The following IQCM variants were observed in gnomAD, a reference collection of about 807,000 sequenced individuals.
The protein encoded by IQCM is IQ domain-containing protein M.
In IQCM, 45 loss-of-function variants were observed where a neutral mutation model predicts 57.6. The ratio of observed to expected loss-of-function variants is 0.78; its 90% CI spans 0.62 to 1.00. The LOEUF (loss-of-function observed/expected upper bound fraction) is 1.00. Among genes scored for constraint, IQCM ranks in the 50% least tolerant of loss-of-function variants. IQCM has a pLI of 0.00. For missense variants in IQCM, 468 were observed against 511.6 expected, an observed-to-expected ratio of 0.91 and a Z score of 0.82; for synonymous variants, 148 against 158.9, an observed-to-expected ratio of 0.93 and a Z score of 0.51.
Position 149,653,951 on chromosome 4 carries a change from CAT to C in IQCM, c.565+28165_565+28166del, listed in dbSNP as rs988205778. Among the ~76,000 whole-genome samples the C allele has an allele frequency of 2.9e-4, 44 of 152,098 alleles. 1 individual carries two copies. Among genetic ancestry groups the C allele is most frequent in the African/African-American group, 9.2e-4 (38 of 41,510 alleles). On this transcript the variant is annotated intron_variant, in intron 7 of 13. Transcript: ENST00000636793. The stretch of plus-strand genomic sequence containing the variant: ...ATAAAATCTAATAAAAGTGGATACA[CAT>C]ATATTAAATCATCTAATATATAACT...
At chr4:149,481,714 T>TTTGTTTGTTTG in intron 12 of IQCM, among the ~76,000 whole-genome samples, 1 of 39,046 alleles carries the variant, frequency 2.6e-5, no homozygotes, top group African/African-American at 7.8e-5. Context: ...TTTTTTTTTT[T>TTTGTTTGTTTG]TTTTTTTTGC....
intron 7 of IQCM, among the ~76,000 whole-genome samples, chr4:149,678,206 A>G (rs1383315106): frequency 2.0e-5 from 3 of 151,916 alleles, no homozygotes; most frequent in Non-Finnish European, 2.9e-5. Flanking sequence ...ATTTGACTCA[A>G]ATAAGACTAC....
intron 5 of IQCM, among the ~76,000 whole-genome samples, chr4:149,714,118 A>G (rs1047507251): frequency 3.9e-5 from 6 of 152,144 alleles, no homozygotes; most frequent in African/African-American, 1.4e-4. Flanking sequence ...GCTAACCCCA[A>G]TGTCAATTTT....
chr4:149,614,621 T>A (rs1255597278), intron 8 of IQCM, among the ~76,000 whole-genome samples: 1 of 152,136 alleles, frequency 6.6e-6, no homozygotes, highest in African/African-American at 2.4e-5. Flanking sequence ...TTCCTCATTC[T>A]AGGGCATGGG....
chr4:149,763,123 G>A (rs1482033494), intron 2 of IQCM, among the ~76,000 whole-genome samples: 2 of 151,796 alleles, frequency 1.3e-5, no homozygotes, highest in Non-Finnish European at 2.9e-5. Context: ...AAATATTATG[G>A]CTTTGTATTT....
intron 12 of IQCM, among the ~76,000 whole-genome samples, chr4:149,504,245 A>G (rs922015773): frequency 2.0e-5 from 3 of 152,214 alleles, no homozygotes; most frequent in Admixed American, 1.3e-4. Flanking sequence ...TAAATTTAAA[A>G]AAACTTAAAA....
At chr4:149,373,827 G>A (rs1189595096) in intron 13 of IQCM, among the ~76,000 whole-genome samples, 1 of 151,884 alleles carries the variant, frequency 6.6e-6, no homozygotes, top group Non-Finnish European at 1.5e-5. Flanking sequence ...ATATTTCTCA[G>A]AGGCCCATGG....
intron 12 of IQCM, among the ~76,000 whole-genome samples, chr4:149,502,878 T>C (rs1263525122): frequency 2.0e-5 from 3 of 151,646 alleles, no homozygotes; most frequent in African/African-American, 7.3e-5. Flanking sequence ...AAAATCAGTA[T>C]CCAATTGCCA....
intron 12 of IQCM, among the ~76,000 whole-genome samples, chr4:149,445,316 TA>T (rs2111361093): frequency 6.6e-6 from 1 of 152,010 alleles, no homozygotes; most frequent in South Asian, 2.1e-4. Flanking sequence ...AAGTTAGTTG[TA>T]ACCACATTTA....
intron 7 of IQCM, among the ~76,000 whole-genome samples, chr4:149,669,660 G>A (rs896780927): frequency 6.6e-6 from 1 of 152,158 alleles, no homozygotes; most frequent in African/African-American, 2.4e-5. Context: ...TGTATAAGGT[G>A]TAAGGAAGGG....
chr4:149,812,154 G>A (rs1159423239), intron 2 of IQCM, among the ~76,000 whole-genome samples: 1 of 152,176 alleles, frequency 6.6e-6, no homozygotes, highest in Non-Finnish European at 1.5e-5. Context: ...AGAAGTCAAA[G>A]TATGGTTTAT....
chr4:149,499,679 A>G (rs567435598), intron 12 of IQCM, among the ~76,000 whole-genome samples: 159 of 152,286 alleles, frequency 1.0e-3, no homozygotes, highest in Middle Eastern at 3.4e-3. Flanking sequence ...GAAAGATCTT[A>G]AAGACATTAT....
intron 12 of IQCM, among the ~76,000 whole-genome samples, chr4:149,530,435 A>G (rs1050123037): frequency 2.6e-5 from 4 of 152,156 alleles, no homozygotes; most frequent in Non-Finnish European, 4.4e-5. Flanking sequence ...AACTCTATGT[A>G]TCTATGGGAA....
At chr4:149,432,083 G>A (rs1003619908) in intron 13 of IQCM, among the ~76,000 whole-genome samples, 1 of 151,594 alleles carries the variant, frequency 6.6e-6, no homozygotes, top group Non-Finnish European at 1.5e-5. Context: ...CCTAGGAAAA[G>A]AATGGCTAGG....
intron 2 of IQCM, among the ~76,000 whole-genome samples, chr4:149,767,819 G>A (rs1261727030): frequency 3.9e-5 from 6 of 152,010 alleles, no homozygotes; most frequent in Non-Finnish European, 8.8e-5. Context: ...CAATCCCTAT[G>A]CGTAAATATT....
At chr4:149,693,036 C>G (rs961641955) in intron 5 of IQCM, among the ~76,000 whole-genome samples, 1 of 152,140 alleles carries the variant, frequency 6.6e-6, no homozygotes, top group African/African-American at 2.4e-5. Flanking sequence ...CAAAAACTCC[C>G]AACCAAAAGA....
Position 149,410,604 on chromosome 4 carries a change from G to A in IQCM, c.1390+22792C>T, listed in dbSNP as rs1733317460. 2.0e-5 allele frequency among the ~76,000 whole-genome samples: 3 copies of A among 151,738 alleles called. No individual in the cohort carries two copies. In the South Asian group the frequency reaches 6.2e-4, roughly 32 times the overall value. On this transcript the variant is annotated intron_variant, in intron 13 of 13. Coordinates refer to ENST00000636793, the MANE Select transcript of IQCM (RefSeq NM_001363507.2). ...CTATATACTGGAATTCAAGATCAAG[G>A]ATATTAACAGTAGCATTCACATTGT...
intron 4 of IQCM, among the ~76,000 whole-genome samples, chr4:149,734,252 T>A (rs2149890791): frequency 6.6e-6 from 1 of 152,298 alleles, no homozygotes; most frequent in South Asian, 2.1e-4. Context: ...TGTGCTAGTA[T>A]TACATTTTTC....
At chr4:149,506,205 G>A (rs1190466940) in intron 12 of IQCM, among the ~76,000 whole-genome samples, 1 of 152,184 alleles carries the variant, frequency 6.6e-6, no homozygotes, top group African/African-American at 2.4e-5. Context: ...ACATTCAGGG[G>A]TATGTGCATA....
Sources: allele counts gnomAD v4.1 joint callset (sites outside exome capture counted in the v4.1 genomes callset), GRCh38; gene constraint gnomAD v4.1.1; transcripts MANE v1.5; gene names NCBI Gene and HGNC (gene_info 2026-07-23, HGNC 2026-07-21).